FAT3: variants seen among roughly 807,000 people sequenced by gnomAD.
FAT3 encodes the protein FAT atypical cadherin 3.
Under a neutral mutation model 310.2 loss-of-function variants are expected in FAT3, and 95 were observed. That is an observed-to-expected ratio of 0.31 (90% CI 0.26 to 0.36). The LOEUF (loss-of-function observed/expected upper bound fraction) is 0.36, where lower values mean the gene tolerates loss of function less well. Among genes scored for constraint, FAT3 ranks in the 10% least tolerant of loss-of-function variants. The pLI is 1.00. For synonymous variants in FAT3, 2,314 were observed against 2,192.9 expected, an observed-to-expected ratio of 1.06 and a Z score of -1.54; for missense variants, 5,408 against 5,715.6, an observed-to-expected ratio of 0.95 and a Z score of 1.74.
intron 13 of FAT3, among the ~76,000 whole-genome samples, chr11:92,830,007 A>C (rs1948201156): frequency 6.6e-6 from 1 of 152,180 alleles, no homozygotes; most frequent in Non-Finnish European, 1.5e-5. Context: ...AGAAAAAAAA[A>C]ATGTCTAAGC....
chr11:92,258,113 A>G (rs1050963317), intron 1 of FAT3, among the ~76,000 whole-genome samples: 1 of 152,114 alleles, frequency 6.6e-6, no homozygotes, highest in Non-Finnish European at 1.5e-5. Context: ...CTCAAGTTTT[A>G]TTACTGGCTG....
chr11:92,549,068 A>T (rs1480501161), intron 3 of FAT3, among the ~76,000 whole-genome samples: 2 of 152,208 alleles, frequency 1.3e-5, no homozygotes, highest in Non-Finnish European at 2.9e-5. Flanking sequence ...AAGCTATATA[A>T]GCCTGAAAAC....
intron 1 of FAT3, among the ~76,000 whole-genome samples, chr11:92,227,529 C>G (rs1863971928): frequency 6.6e-6 from 1 of 152,112 alleles, no homozygotes; most frequent in Non-Finnish European, 1.5e-5. Flanking sequence ...ATCGATCAAA[C>G]AGAGCCCAGA....
At chr11:92,628,539 A>G (rs543768529) in intron 3 of FAT3, among the ~76,000 whole-genome samples, 14 of 152,272 alleles carry the variant, frequency 9.2e-5, no homozygotes, top group Admixed American at 6.5e-4. Flanking sequence ...TCTTCCAGCT[A>G]TTATTCTCAT....
intron 3 of FAT3, among the ~76,000 whole-genome samples, chr11:92,680,682 A>G (rs1270962245): frequency 6.6e-6 from 1 of 152,232 alleles, no homozygotes; most frequent in Non-Finnish European, 1.5e-5. Flanking sequence ...CAAGGACCAC[A>G]TTGAGTACTT....
chr11:92,760,614 G>T (rs1299076159), intron 4 of FAT3, among the ~76,000 whole-genome samples: 1 of 152,114 alleles, frequency 6.6e-6, no homozygotes, highest in Non-Finnish European at 1.5e-5. Flanking sequence ...TATTAACAAT[G>T]ATCTGTTTTG....
intron 4 of FAT3, among the ~76,000 whole-genome samples, chr11:92,755,581 G>A (rs1022235778): frequency 2.0e-5 from 3 of 152,146 alleles, no homozygotes; most frequent in Non-Finnish European, 2.9e-5. Context: ...TAATATATAC[G>A]TTAATTAACC....
intron 3 of FAT3, among the ~76,000 whole-genome samples, chr11:92,593,652 A>T (rs1380338531): frequency 6.6e-6 from 1 of 152,112 alleles, no homozygotes; most frequent in Non-Finnish European, 1.5e-5. Context: ...AGGGTAACTA[A>T]CATAAATCTA....
rs529901900 is a variant in FAT3 at position 92,722,624 on chromosome 11, C to T, written c.3669+25179C>T. Among the ~76,000 whole-genome samples, 10 of 152,308 alleles carry T rather than the reference C, an allele frequency of 6.6e-5. No individual in the cohort carries two copies. The East Asian group carries it at 1.9e-3, about 29-fold the overall frequency. On this transcript the variant is annotated intron_variant, in intron 4 of 27. Transcript: ENST00000525166. The stretch of plus-strand genomic sequence containing the variant: ...CCTCACATTTCCCTTTCACACTGCC[C>T]TAGCAGAGGTTCTCCATGAGAGCCC...
At chr11:92,853,482 G>A (rs1385147805) in intron 19 of FAT3, among the ~76,000 whole-genome samples, 2 of 152,166 alleles carry the variant, frequency 1.3e-5, no homozygotes, top group Non-Finnish European at 2.9e-5. Context: ...GAGCAGGGGA[G>A]GTGTTTTTCA....
chr11:92,867,305 A>G (rs1455451219), intron 22 of FAT3, 96 bp downstream of exon 22: 4 of 1,253,364 alleles, frequency 3.2e-6, no homozygotes, highest in Non-Finnish European at 4.3e-6. Flanking sequence ...CAAGGACTCT[A>G]CTAGAGAGGA....
intron 3 of FAT3, among the ~76,000 whole-genome samples, chr11:92,617,419 C>T (rs1940863978): frequency 6.6e-6 from 1 of 152,056 alleles, no homozygotes; most frequent in East Asian, 1.9e-4. Context: ...GAGATGGGTT[C>T]GAACTTCCCC....
At chr11:92,672,380 A>G (rs1388038912) in intron 3 of FAT3, among the ~76,000 whole-genome samples, 2 of 152,198 alleles carry the variant, frequency 1.3e-5, no homozygotes, top group Non-Finnish European at 1.5e-5. Context: ...AAATATCTTT[A>G]TAGCAGAAAT....
chr11:92,673,337 A>G (rs981999152), intron 3 of FAT3, among the ~76,000 whole-genome samples: 2 of 152,250 alleles, frequency 1.3e-5, no homozygotes, highest in South Asian at 2.1e-4. Flanking sequence ...ACACTAGTGA[A>G]CATCCACTAT....
chr11:92,581,756 A>G (rs778793966), intron 3 of FAT3, among the ~76,000 whole-genome samples: 1 of 151,998 alleles, frequency 6.6e-6, no homozygotes, highest in Non-Finnish European at 1.5e-5. Flanking sequence ...ACACATACAT[A>G]TATTGATATA....
intron 2 of FAT3, among the ~76,000 whole-genome samples, chr11:92,396,382 G>A (rs1398224437): frequency 6.6e-6 from 1 of 152,110 alleles, no homozygotes; most frequent in Non-Finnish European, 1.5e-5. Flanking sequence ...CTCATATACA[G>A]GTGTTTTATC....
At chr11:92,578,990 A>C (rs183473430) in intron 3 of FAT3, among the ~76,000 whole-genome samples, 3 of 152,276 alleles carry the variant, frequency 2.0e-5, no homozygotes, top group Admixed American at 1.3e-4. Flanking sequence ...GAATGGTATT[A>C]CTTATAAGGA....
chr11:92,460,147 C>T (rs1047779762), intron 2 of FAT3, among the ~76,000 whole-genome samples: 7 of 152,020 alleles, frequency 4.6e-5, no homozygotes, highest in Admixed American at 3.9e-4. Context: ...CTCTGTAAAG[C>T]GAGTTCTGGG....
intron 2 of FAT3, among the ~76,000 whole-genome samples, chr11:92,357,708 G>A (rs1948771050): frequency 6.6e-6 from 1 of 151,972 alleles, no homozygotes; most frequent in East Asian, 1.9e-4. Flanking sequence ...AAATCAGGAA[G>A]TTGCATTTTG....
Sources: allele counts gnomAD v4.1 joint callset (sites outside exome capture counted in the v4.1 genomes callset), GRCh38; gene constraint gnomAD v4.1.1; transcripts MANE v1.5; gene names NCBI Gene and HGNC (gene_info 2026-07-23, HGNC 2026-07-21).